TSGA10IP: variants seen among roughly 807,000 people sequenced by gnomAD.
TSGA10IP encodes testis-specific protein 10-interacting protein.
Under a neutral mutation model 63.2 loss-of-function variants are expected in TSGA10IP, and 64 were observed. The observed-to-expected ratio is 1.01, with a 90% CI of 0.83 to 1.25. The LOEUF is 1.25. Among genes scored for constraint, TSGA10IP ranks in the 50% most tolerant of loss-of-function variants. The probability of loss-of-function intolerance (pLI) is 0.00; values close to 1 mark genes in which losing one functional copy is unlikely to be tolerated. For missense variants in TSGA10IP, 681 were observed against 710.1 expected, an observed-to-expected ratio of 0.96 and a Z score of 0.47; for synonymous variants, 316 against 298.3, an observed-to-expected ratio of 1.06 and a Z score of -0.61.
At chr11:65,947,360 G>T (rs900418699) in exon 3 of TSGA10IP, 1 of 1,612,032 alleles carries the variant, frequency 6.2e-7, no homozygotes, top group South Asian at 1.1e-5. Flanking sequence ...GGGAGCCTGG[G>T]GCGGTGTCTC....
At chr11:65,955,857 C>G (rs1257946196) in intron 5 of TSGA10IP, among the ~76,000 whole-genome samples, 1 of 152,108 alleles carries the variant, frequency 6.6e-6, no homozygotes, top group African/African-American at 2.4e-5. Context: ...ACGATGCTGC[C>G]CTGCCTGAGC....
chr11:65,957,052 A>C (rs148950327), intron 5 of TSGA10IP, among the ~76,000 whole-genome samples: 1 of 152,356 alleles, frequency 6.6e-6, no homozygotes, highest in East Asian at 1.9e-4. Flanking sequence ...GCAGGCACAA[A>C]AGAGGTTGTC....
At position 65,958,630 on chromosome 11, in the gene TSGA10IP, C is replaced by T. The variant is rs371732255; in HGVS notation, c.1323-253C>T. Among the ~76,000 whole-genome samples, 78 of 152,324 alleles carry T rather than the reference C, an allele frequency of 5.1e-4. 1 individual carries two copies. The highest frequency in any genetic ancestry group is 2.7e-3 in the East Asian group (14 of 5,186). ...GGGCAAGCCCCAGCTGCACAGGGCT[C>T]GGCCCCTCACTTCCCAGCTGCACAA... On this transcript the variant is annotated intron_variant, in intron 5 of 7. Transcript: ENST00000532620.
At chr11:65,959,218 G>T (rs752911707) in exon 7 of TSGA10IP, 1 of 1,606,776 alleles carries the variant, frequency 6.2e-7, no homozygotes, top group East Asian at 2.2e-5. Context: ...GTCACTCGGC[G>T]CTTCTCCCAG....
intron 4 of TSGA10IP, among the ~76,000 whole-genome samples, chr11:65,948,841 G>A (rs1854893159): frequency 6.6e-6 from 1 of 152,116 alleles, no homozygotes; most frequent in African/African-American, 2.4e-5. Flanking sequence ...CAAGTATGGT[G>A]GTGTGTGCCT....
At chr11:65,948,231 A>G in intron 4 of TSGA10IP, 83 bp downstream of exon 4, 2 of 1,454,356 alleles carry the variant, frequency 1.4e-6, no homozygotes, top group South Asian at 2.8e-5. Context: ...TAGGCATTTG[A>G]ACTCTCATTC....
chr11:65,953,418 T>G, intron 4 of TSGA10IP, 149 bp from the exon 5 acceptor site: 3 of 1,096,892 alleles, frequency 2.7e-6, no homozygotes, highest in Non-Finnish European at 3.6e-6. Flanking sequence ...TGTCATGGAC[T>G]TCCATGACAA....
At chr11:65,946,598 AT>A (rs994593479) in intron 1 of TSGA10IP, among the ~76,000 whole-genome samples, 2 of 151,754 alleles carry the variant, frequency 1.3e-5, no homozygotes, top group African/African-American at 4.8e-5. Flanking sequence ...CACTCGGCTA[AT>A]TTTTTTTGTA....
At position 65,956,618 on chromosome 11, in the gene TSGA10IP, C is replaced by T. The variant is rs377145014; in HGVS notation, c.1323-2265C>T. Among the ~76,000 whole-genome samples the T allele has an allele frequency of 3.3e-5, 5 of 152,208 alleles. No homozygotes were observed. In the East Asian group the frequency reaches 9.7e-4, roughly 29 times the overall value. The stretch of plus-strand genomic sequence containing the variant: ...TCTCAGTTCACTGAAACCTCCATCT[C>T]CCGGGCTCAAGCAATTCTCCTGCCT... On this transcript the variant is annotated intron_variant, in intron 5 of 7. Transcript: ENST00000532620.
exon 8 of TSGA10IP, chr11:65,959,863 C>T (rs1291983170): frequency 4.4e-6 from 7 of 1,599,988 alleles, no homozygotes; most frequent in South Asian, 2.2e-5. Context: ...TCCTCAGAGG[C>T]CCCCAAGGAC....
exon 5 of TSGA10IP, chr11:65,953,592 C>CAGCGGCAGGAGG (rs1565307705): frequency 1.3e-6 from 2 of 1,590,060 alleles, no homozygotes; most frequent in South Asian, 1.1e-5. Flanking sequence ...CTGGGAGCGG[C>CAGCGGCAGGAGG]AGCGGCAGGA....
At chr11:65,945,697 C>G in exon 1 of TSGA10IP, 1 of 1,611,558 alleles carries the variant, frequency 6.2e-7, no homozygotes, top group Non-Finnish European at 8.5e-7. Context: ...CACCGATATG[C>G]TAAATACCTA....
intron 1 of TSGA10IP, among the ~76,000 whole-genome samples, chr11:65,946,052 C>T (rs1462612531): frequency 6.6e-6 from 1 of 152,196 alleles, no homozygotes; most frequent in Admixed American, 6.5e-5. Flanking sequence ...TCAGGGAACA[C>T]TGCGGAAGGA....
At chr11:65,953,652 C>T (rs746151439) in exon 5 of TSGA10IP, 19 of 1,589,644 alleles carry the variant, frequency 1.2e-5, no homozygotes, top group Middle Eastern at 1.7e-4. Flanking sequence ...GCATGTACAG[C>T]GGCAGGTGGC....
At chr11:65,948,663 A>C (rs933426808) in intron 4 of TSGA10IP, among the ~76,000 whole-genome samples, 1 of 151,902 alleles carries the variant, frequency 6.6e-6, no homozygotes, top group Non-Finnish European at 1.5e-5. Flanking sequence ...CAACAGAGTG[A>C]GACACTGTCT....
At chr11:65,958,815 C>T (rs1034005936) in intron 5 of TSGA10IP, 68 bp from the exon 6 acceptor site, 10 of 1,316,910 alleles carry the variant, frequency 7.6e-6, no homozygotes, top group African/African-American at 1.4e-5. Flanking sequence ...TGAAGATAAG[C>T]GGGCTCAGGA....
intron 5 of TSGA10IP, among the ~76,000 whole-genome samples, chr11:65,955,095 G>A (rs1372868144): frequency 6.6e-6 from 1 of 152,210 alleles, no homozygotes; most frequent in Non-Finnish European, 1.5e-5. Flanking sequence ...TAAACCTTGA[G>A]CCTAGCTGTG....
chr11:65,947,835 G>A lies in TSGA10IP; in HGVS notation c.1003+7G>A, dbSNP rs191918529. On this transcript the variant is annotated splice_region_variant and intron_variant, in intron 3 of 7. Coordinates refer to ENST00000532620, the Ensembl canonical transcript of TSGA10IP. ...CAGAGAGACCTGGACTGTGGTGAGC[G>A]TGGGGCTCAGAGCCTGGATTCCCCC... 5.4e-5 allele frequency: 83 copies of A among 1,540,870 alleles called. No homozygotes were observed. Among genetic ancestry groups the A allele is most frequent in the Admixed American group, 1.0e-4 (5 of 48,858 alleles).
intron 5 of TSGA10IP, among the ~76,000 whole-genome samples, chr11:65,955,891 G>A (rs879576360): frequency 1.3e-5 from 2 of 152,130 alleles, no homozygotes; most frequent in African/African-American, 2.4e-5. Context: ...GCTTTTAGAC[G>A]AAAGGCACCA....
Sources: gnomAD v4.1 joint callset for allele counts (sites outside exome capture counted in the v4.1 genomes callset) on GRCh38, gnomAD v4.1.1 for gene constraint, MANE v1.5 for transcripts, NCBI Gene and HGNC (gene_info 2026-07-23, HGNC 2026-07-21) for gene names.